CDYL2: variants seen among roughly 807,000 people sequenced by gnomAD.
The protein encoded by CDYL2 is chromodomain Y like 2.
CDYL2 carries 23 observed loss-of-function variants against 49.4 expected under a neutral mutation model. The observed-to-expected ratio is 0.47, with a 90% CI of 0.34 to 0.66. The LOEUF (loss-of-function observed/expected upper bound fraction) is 0.66, where lower values mean the gene tolerates loss of function less well. CDYL2 is among the 30% of genes least tolerant of loss of function. The pLI is 0.01. For synonymous variants in CDYL2, 360 were observed against 268.8 expected, an observed-to-expected ratio of 1.34 and a Z score of -3.32; for missense variants, 678 against 656.4, an observed-to-expected ratio of 1.03 and a Z score of -0.36.
chr16:80,655,826 C>T (rs1266572811), intron 2 of CDYL2, among the ~76,000 whole-genome samples: 2 of 152,174 alleles, frequency 1.3e-5, no homozygotes, highest in Non-Finnish European at 2.9e-5. Flanking sequence ...CTCCAGAGCC[C>T]CTCAGACTCT....
chr16:80,757,245 T>G (rs1423651482), intron 1 of CDYL2, among the ~76,000 whole-genome samples: 1 of 152,070 alleles, frequency 6.6e-6, no homozygotes, highest in Non-Finnish European at 1.5e-5. Context: ...ATAAAATAAG[T>G]ATTCAATAAC....
chr16:80,736,372 A>G (rs1390488329), intron 1 of CDYL2: 3 of 152,268 alleles, frequency 2.0e-5, no homozygotes, highest in Non-Finnish European at 4.4e-5. Context: ...AACACACAGC[A>G]TTCAACAGAC....
intron 2 of CDYL2, among the ~76,000 whole-genome samples, chr16:80,635,229 A>G (rs1208472988): frequency 1.3e-5 from 2 of 152,228 alleles, no homozygotes; most frequent in Non-Finnish European, 2.9e-5. Context: ...ATTGATGTAG[A>G]AAAAGCATCT....
At chr16:80,672,112 C>G (rs1909535699) in intron 2 of CDYL2, among the ~76,000 whole-genome samples, 2 of 152,102 alleles carry the variant, frequency 1.3e-5, no homozygotes, top group African/African-American at 4.8e-5. Flanking sequence ...CTTTAAGCAT[C>G]ATTTTGATGC....
intron 1 of CDYL2, 58 bp downstream of exon 1, chr16:80,804,086 CCCGCCG>C (rs1190581461): frequency 1.8e-5 from 17 of 971,376 alleles, no homozygotes; most frequent in Non-Finnish European, 2.0e-5. Context: ...GTCCCCGCCG[CCCGCCG>C]CCGCCGCCCG....
At chr16:80,698,865 ACTT>A (rs2142497467) in intron 1 of CDYL2, among the ~76,000 whole-genome samples, 1 of 152,258 alleles carries the variant, frequency 6.6e-6, no homozygotes, top group Non-Finnish European at 1.5e-5. Context: ...AGTCTCAGGT[ACTT>A]CTTTATAGCA....
chr16:80,667,243 G>A (rs953951591), intron 2 of CDYL2, among the ~76,000 whole-genome samples: 1 of 152,094 alleles, frequency 6.6e-6, no homozygotes, highest in Non-Finnish European at 1.5e-5. Flanking sequence ...CATCTATCTG[G>A]TTCTTAAGAC....
chr16:80,756,272 T>C (rs918785191), intron 1 of CDYL2, among the ~76,000 whole-genome samples: 3 of 152,124 alleles, frequency 2.0e-5, no homozygotes, highest in African/African-American at 7.2e-5. Context: ...CTCAATTCTC[T>C]GAAAAACCTT....
intron 1 of CDYL2, among the ~76,000 whole-genome samples, chr16:80,799,442 C>T (rs774516561): frequency 3.9e-5 from 6 of 152,118 alleles, no homozygotes. Context: ...TCCCCAAGTG[C>T]CTCTCATATA....
chr16:80,646,573 G>A (rs1199036540), intron 2 of CDYL2, among the ~76,000 whole-genome samples: 5 of 152,146 alleles, frequency 3.3e-5, no homozygotes, highest in African/African-American at 9.7e-5. Context: ...GGCAGATCAC[G>A]AGGTCAGCTG....
intron 3 of CDYL2, among the ~76,000 whole-genome samples, chr16:80,622,550 A>G (rs975142380): frequency 5.3e-5 from 8 of 152,102 alleles, no homozygotes; most frequent in African/African-American, 1.9e-4. Context: ...CAGGAATTGC[A>G]TCTCTCTTAT....
chr16:80,748,400 G>A (rs1456886631), intron 1 of CDYL2, among the ~76,000 whole-genome samples: 2 of 148,274 alleles, frequency 1.3e-5, no homozygotes, highest in African/African-American at 2.5e-5. Flanking sequence ...GGTGGCAGGC[G>A]CCTGTAGTAC....
intron 1 of CDYL2, among the ~76,000 whole-genome samples, chr16:80,800,023 T>C (rs756971740): frequency 2.6e-5 from 4 of 152,218 alleles, no homozygotes; most frequent in Non-Finnish European, 5.9e-5. Flanking sequence ...TGGGTTCATA[T>C]GCAGTTTTTC....
intron 2 of CDYL2, among the ~76,000 whole-genome samples, chr16:80,634,585 T>C (rs1263545494): frequency 6.6e-6 from 1 of 152,138 alleles, no homozygotes; most frequent in African/African-American, 2.4e-5. Flanking sequence ...ACACGACACA[T>C]GTATACATAT....
chr16:80,685,322 C>G (rs918372012), intron 1 of CDYL2, among the ~76,000 whole-genome samples, 193 bp from the exon 2 acceptor site: 1 of 152,212 alleles, frequency 6.6e-6, no homozygotes, highest in Non-Finnish European at 1.5e-5. Context: ...TTTACGACAT[C>G]ACTGGATGGA....
chr16:80,778,468 GGAACT>G (rs1476653222), intron 1 of CDYL2, among the ~76,000 whole-genome samples: 1 of 151,668 alleles, frequency 6.6e-6, no homozygotes, highest in African/African-American at 2.4e-5. Flanking sequence ...AATTCCAAAA[GGAACT>G]GAATTATAAA....
chr16:80,754,020 A>G (rs1180578775), intron 1 of CDYL2, among the ~76,000 whole-genome samples: 1 of 152,242 alleles, frequency 6.6e-6, no homozygotes, highest in Non-Finnish European at 1.5e-5. Flanking sequence ...CTTACTGTAC[A>G]TAAGGCCCTA....
In CDYL2 at chr16:80,600,403, A is replaced by G. The variant is rs958054888; in HGVS notation, c.*3985T>C. ...ATTAAAGTCTGTAAGCATTTCAACC[A>G]AAATTTGCAGAAATAACTAAGCAAC... On this transcript the variant is annotated 3_prime_UTR_variant, in exon 7 of 7. Coordinates refer to ENST00000570137, the MANE Select transcript of CDYL2 (RefSeq NM_152342.4). 1.3e-4 allele frequency: 20 copies of G among 152,234 alleles called. No individual in the cohort carries two copies. The highest frequency in any genetic ancestry group is 4.3e-4 in the African/African-American group (18 of 41,462). The allele number at this position is 152,234 out of a possible 1,614,324, so 9.4% of individuals were successfully genotyped here. A position where few individuals can be genotyped will look rare whatever the true frequency, so the allele number is the denominator to read the frequency against.
intron 2 of CDYL2, among the ~76,000 whole-genome samples, chr16:80,674,388 G>A (rs899636385): frequency 6.6e-6 from 1 of 152,024 alleles, no homozygotes; most frequent in African/African-American, 2.4e-5. Context: ...AACGGTAGCT[G>A]TTATTTTTCA....
Sources: allele counts gnomAD v4.1 joint callset (sites outside exome capture counted in the v4.1 genomes callset), GRCh38; gene constraint gnomAD v4.1.1; transcripts MANE v1.5; gene names NCBI Gene and HGNC (gene_info 2026-07-23, HGNC 2026-07-21).